The following AHRR variants were observed in gnomAD, a reference collection of about 807,000 sequenced individuals.
The protein encoded by AHRR is aryl hydrocarbon receptor repressor, also known as ahR repressor.
In AHRR, 28 loss-of-function variants were observed where a neutral mutation model predicts 44.0. The ratio of observed to expected loss-of-function variants is 0.64; its 90% CI spans 0.47 to 0.87. The LOEUF is 0.87. Among genes scored for constraint, AHRR ranks in the 40% least tolerant of loss-of-function variants. AHRR has a pLI of 0.00. For missense variants in AHRR, 990 were observed against 953.9 expected (o/e 1.04, Z -0.50); for synonymous variants, 434 against 407.0 (o/e 1.07, Z -0.80).
rs559187426 is a variant in AHRR at position 410,343 on chromosome 5, T to C, written c.352-3001T>C. 4.7e-4 allele frequency among the ~76,000 whole-genome samples: 72 copies of C among 152,294 alleles called. No individual in the cohort carries two copies. The East Asian group carries it at 0.013, about 28-fold the overall frequency. ...TCCCAAGTAGCTGGGACTACAGGCA[T>C]GCACCACCATGCCCAGCTAGTTTTT... On this transcript the variant is annotated intron_variant, in intron 4 of 10. Coordinates refer to ENST00000684583, the MANE Select transcript of AHRR (RefSeq NM_001377236.1).
chr5:421,436 G>A, intron 5 of AHRR: 1 of 543,612 alleles, frequency 1.8e-6, no homozygotes, highest in East Asian at 3.4e-5. Context: ...GCAGCCTCGC[G>A]GGTGCCGGCG....
At chr5:390,672 C>T (rs888068696) in intron 4 of AHRR, among the ~76,000 whole-genome samples, 1 of 152,100 alleles carries the variant, frequency 6.6e-6, no homozygotes, top group African/African-American at 2.4e-5. Flanking sequence ...GGAGGTTGAG[C>T]TGGCTTCCCA....
At chr5:376,557 A>ACCGCGGGGAAACACAGGAAAGAT in intron 3 of AHRR, 53 bp from the exon 4 acceptor site, 8 of 1,423,174 alleles carry the variant, frequency 5.6e-6, no homozygotes, top group Non-Finnish European at 6.6e-6. Flanking sequence ...AATGAAGAAG[A>ACCGCGGGGAAACACAGGAAAGAT]GTGGCCAGGC....
At chr5:353,367 G>A (rs1290846318) in intron 2 of AHRR, among the ~76,000 whole-genome samples, 3 of 152,162 alleles carry the variant, frequency 2.0e-5, no homozygotes, top group Admixed American at 6.5e-5. Flanking sequence ...CTCCTGCCCC[G>A]CCAGCCTGGG....
At chr5:379,278 G>C (rs1180299833) in intron 4 of AHRR, among the ~76,000 whole-genome samples, 1 of 152,168 alleles carries the variant, frequency 6.6e-6, no homozygotes, top group Non-Finnish European at 1.5e-5. Flanking sequence ...CCGCTGGTTT[G>C]TTTCTTGTTA....
rs370481942 is a variant in AHRR, at chr5:434,514, C to T, written c.1774C>T (p.Arg592Trp). Residue 592 changes from arginine to tryptophan, a missense_variant, in exon 11 of 11, where the codon CGG (arginine) becomes TGG (tryptophan). Transcript: ENST00000684583. Reference protein sequence around the residue: ...VYISHLGHGVRGAQPHGRATA... With the variant: ...VYISHLGHGVWGAQPHGRATA... ...CATCTCGCACCTGGGGCACGGCGTG[C>T]GGGGGGCTCAGCCCCATGGGAGGGC... The T allele has an allele frequency of 4.7e-5, 75 of 1,612,010 alleles. No individual in the cohort carries two copies. The highest frequency in any genetic ancestry group is 1.6e-4 in the Middle Eastern group (1 of 6,078).
chr5:396,204 G>C (rs960644587), intron 4 of AHRR, among the ~76,000 whole-genome samples: 6 of 152,168 alleles, frequency 3.9e-5, no homozygotes, highest in African/African-American at 1.4e-4. Flanking sequence ...CAAATGCAGG[G>C]TATGCCCTCC....
At position 434,918 on chromosome 5, in the gene AHRR, C is replaced by G; in HGVS notation, c.*84C>G. ...TGGGCTGCCCTGCTCCTGGTCAGGC[C>G]GGAGCCCGTCCTAAGACACACGCTT... is the stretch of plus-strand genomic sequence containing the variant. On this transcript the variant is annotated 3_prime_UTR_variant, in exon 11 of 11. Transcript: ENST00000684583. 1 of 1,468,376 alleles carries G rather than the reference C, an allele frequency of 6.8e-7. No individual in the cohort carries two copies. 91.0% of individuals were successfully genotyped at this position (1,468,376 alleles called of 1,614,324 possible).
intron 4 of AHRR, among the ~76,000 whole-genome samples, chr5:385,271 C>A (rs1406460677): frequency 6.6e-6 from 1 of 151,896 alleles, no homozygotes; most frequent in Non-Finnish European, 1.5e-5. Flanking sequence ...AACTCTTGGA[C>A]TCAAGAAATC....
At chr5:340,011 T>A in intron 1 of AHRR, among the ~76,000 whole-genome samples, 1 of 152,254 alleles carries the variant, frequency 6.6e-6, no homozygotes, top group East Asian at 1.9e-4. Flanking sequence ...TTTAGTTTTC[T>A]TTTCGTGCAA....
rs781159124 is a variant in AHRR, at chr5:381,506, C to CTTTTTTT, written c.351+4811_351+4817dup. Reference sequence around the variant, plus strand: ...CATTAAATATATTAGCTTAGGTTTGCTTTTTTTTTTTTTTTTTTTTTTTTT... The same window carrying CTTTTTTT: ...CATTAAATATATTAGCTTAGGTTTGCTTTTTTTTTTTTTTTTTTTTTTTTTTTTTTTT... On this transcript the variant is annotated intron_variant, in intron 4 of 10. Transcript: ENST00000684583. Among the ~76,000 whole-genome samples the CTTTTTTT allele has an allele frequency of 4.4e-3, 206 of 46,914 alleles. 70 individuals carry two copies. Among genetic ancestry groups the CTTTTTTT allele is most frequent in the Non-Finnish European group, 6.2e-3 (164 of 26,564 alleles). The allele number at this position is 46,914 out of a possible 152,430, so 30.8% of individuals were successfully genotyped here.
intron 4 of AHRR, among the ~76,000 whole-genome samples, chr5:412,766 G>T (rs886331929): frequency 1.4e-5 from 2 of 141,166 alleles, no homozygotes; most frequent in African/African-American, 5.3e-5. Flanking sequence ...CATTGCATAG[G>T]CTGGAGGGCA....
intron 8 of AHRR, among the ~76,000 whole-genome samples, chr5:429,032 G>A (rs1388230287): frequency 1.3e-5 from 2 of 152,234 alleles, no homozygotes; most frequent in Admixed American, 6.5e-5. Flanking sequence ...GGCCATGGAC[G>A]GGTACCAATC....
At chr5:335,379 ACTT>A (rs1363349546) in intron 1 of AHRR, among the ~76,000 whole-genome samples, 7 of 152,060 alleles carry the variant, frequency 4.6e-5, no homozygotes, top group African/African-American at 1.7e-4. Context: ...AGCAGCTGGC[ACTT>A]GCAGGTAGGT....
At chr5:360,468 G>C (rs1440058740) in intron 3 of AHRR, among the ~76,000 whole-genome samples, 1 of 152,232 alleles carries the variant, frequency 6.6e-6, no homozygotes, top group East Asian at 1.9e-4. Context: ...CAGCTGGCTG[G>C]TGGGTGGAGG....
intron 5 of AHRR, chr5:421,385 C>A: frequency 1.7e-6 from 1 of 604,330 alleles, no homozygotes. Flanking sequence ...AGTACCAGCC[C>A]CCACACGGAG....
In AHRR at chr5:343,603, G is replaced by A. The variant is rs1407214891; in HGVS notation, c.-10-290G>A. 3 of 423,928 alleles carry A rather than the reference G, an allele frequency of 7.1e-6. No individual in the cohort carries two copies. The Admixed American group carries it at 1.4e-4, about 20-fold the overall frequency. 26.3% of individuals were successfully genotyped at this position (423,928 alleles called of 1,614,324 possible). A position where few individuals can be genotyped will look rare whatever the true frequency, so the allele number is the denominator to read the frequency against. ...CCTCAGGACGCCGGTCTCCCGCCAC[G>A]GCGCCCTGAGCCAGGCTCCAGAGCA... is the stretch of plus-strand genomic sequence containing the variant. On this transcript the variant is annotated intron_variant, in intron 1 of 10. Transcript: ENST00000684583.
chr5:373,190 C>T (rs748634040), intron 3 of AHRR, among the ~76,000 whole-genome samples: 8 of 152,244 alleles, frequency 5.3e-5, no homozygotes, highest in Non-Finnish European at 8.8e-5. Context: ...GATCCGGGTT[C>T]AGGCCCAGCC....
At chr5:415,358 C>T (rs1202861056) in intron 5 of AHRR, among the ~76,000 whole-genome samples, 1 of 131,884 alleles carries the variant, frequency 7.6e-6, no homozygotes, top group Non-Finnish European at 1.7e-5. Context: ...GCCTAGGGGC[C>T]GAGTCTCCCT....
Sources: gnomAD v4.1 joint callset for allele counts (sites outside exome capture counted in the v4.1 genomes callset) on GRCh38, gnomAD v4.1.1 for gene constraint, MANE v1.5 for transcripts, NCBI Gene and HGNC (gene_info 2026-07-23, HGNC 2026-07-21) for gene names.